ARB2A: variants seen among roughly 807,000 people sequenced by gnomAD.
The protein encoded by ARB2A is ARB2 cotranscriptional regulator A, also known as cotranscriptional regulator ARB2A.
the ARB2A span, among the ~76,000 whole-genome samples, chr5:93,950,819 C>A: frequency 6.6e-6 from 1 of 151,632 alleles, no homozygotes; most frequent in African/African-American, 2.4e-5. Context: ...TGGTGCATGC[C>A]TGTAATCCCA....
the ARB2A span, among the ~76,000 whole-genome samples, chr5:93,977,310 A>T: frequency 8.5e-5 from 13 of 152,230 alleles, no homozygotes; most frequent in East Asian, 3.9e-4. Context: ...CTAAGCAAAA[A>T]AAAATAAAAT....
the ARB2A span, chr5:93,865,699 A>G: frequency 1.0e-6 from 1 of 985,296 alleles, no homozygotes; most frequent in African/African-American, 1.7e-5. Context: ...TAATAATATG[A>G]CATCCAGTAC....
At chr5:93,866,130 T>C in the ARB2A span, 1 of 985,388 alleles carries the variant, frequency 1.0e-6, no homozygotes, top group Non-Finnish European at 1.2e-6. Context: ...AAAAAGAGGA[T>C]AATACAAGCA....
At chr5:93,634,188 G>A in the ARB2A span, among the ~76,000 whole-genome samples, 1 of 152,020 alleles carries the variant, frequency 6.6e-6, no homozygotes, top group Non-Finnish European at 1.5e-5. Flanking sequence ...GGATCACGAG[G>A]TCAAGAGATC....
chr5:93,939,882 C>T, the ARB2A span, among the ~76,000 whole-genome samples: 1 of 152,104 alleles, frequency 6.6e-6, no homozygotes, highest in South Asian at 2.1e-4. Flanking sequence ...TTCTGCATGG[C>T]AGTCCTAACC....
At chr5:93,676,748 C>T in the ARB2A span, among the ~76,000 whole-genome samples, 3 of 152,146 alleles carry the variant, frequency 2.0e-5, no homozygotes, top group East Asian at 5.8e-4. Flanking sequence ...ACAAATATGC[C>T]GTATAAGAAA....
chr5:93,736,816 A>G, the ARB2A span: 1 of 152,218 alleles, frequency 6.6e-6, no homozygotes, highest in Non-Finnish European at 1.5e-5. Context: ...CAACATGTAG[A>G]GTACGTATGA....
At chr5:93,870,386 T>C in the ARB2A span, among the ~76,000 whole-genome samples, 4 of 152,226 alleles carry the variant, frequency 2.6e-5, no homozygotes, top group Non-Finnish European at 4.4e-5. Flanking sequence ...TCACCTAATT[T>C]TGCATTACCT....
the ARB2A span, among the ~76,000 whole-genome samples, chr5:94,081,978 A>G: frequency 6.6e-6 from 1 of 152,146 alleles, no homozygotes; most frequent in Non-Finnish European, 1.5e-5. Context: ...CTCTCTTGTA[A>G]TGTCCTAATC....
the ARB2A span, among the ~76,000 whole-genome samples, chr5:93,939,954 CG>C: frequency 1.3e-5 from 2 of 151,410 alleles, no homozygotes; most frequent in African/African-American, 4.9e-5. Context: ...AAACTGTATC[CG>C]TTTTTTTTTT....
the ARB2A span, among the ~76,000 whole-genome samples, chr5:93,816,278 T>A: frequency 1.3e-5 from 2 of 152,164 alleles, no homozygotes; most frequent in African/African-American, 4.8e-5. Context: ...AGCCCTATTA[T>A]CAACTGAAAT....
At chr5:93,844,253 G>A in the ARB2A span, among the ~76,000 whole-genome samples, 1 of 152,056 alleles carries the variant, frequency 6.6e-6, no homozygotes, top group African/African-American at 2.4e-5. Context: ...AGACCAGCCT[G>A]GCCAACATGG....
At chr5:93,782,056 T>C in the ARB2A span, 1 of 325,516 alleles carries the variant, frequency 3.1e-6, no homozygotes, top group Non-Finnish European at 4.4e-6. Context: ...TAATCTTCTC[T>C]ACAAGAGGTC....
At chr5:93,918,430 C>CTT in the ARB2A span, among the ~76,000 whole-genome samples, 177 of 107,296 alleles carry the variant, frequency 1.6e-3, 1 homozygote, top group African/African-American at 3.2e-3. Flanking sequence ...TTCCAAATTT[C>CTT]TTTTTTTTTT....
chr5:94,053,094 T>C, the ARB2A span: 3 of 1,204,262 alleles, frequency 2.5e-6, no homozygotes, highest in Non-Finnish European at 3.6e-6. Flanking sequence ...GATAGATAGA[T>C]AGATAGATAG....
the ARB2A span, among the ~76,000 whole-genome samples, chr5:93,853,286 G>T: frequency 4.6e-5 from 7 of 151,896 alleles, no homozygotes; most frequent in South Asian, 1.5e-3. Context: ...AAGAATGTTT[G>T]TGATTTTTGT....
chr5:93,943,162 C>A, the ARB2A span, among the ~76,000 whole-genome samples: 1 of 152,026 alleles, frequency 6.6e-6, no homozygotes, highest in Non-Finnish European at 1.5e-5. Flanking sequence ...GATTAGTGTA[C>A]ATGTTAAATT....
chr5:94,060,997 C>G, the ARB2A span, among the ~76,000 whole-genome samples: 133,938 of 152,208 alleles, frequency 0.88, 59,976 homozygotes, highest in East Asian at 1. Context: ...CCAGCACTTT[C>G]GGAGGCCGAG....
the ARB2A span, among the ~76,000 whole-genome samples, chr5:93,987,005 G>A: frequency 2.0e-5 from 3 of 150,992 alleles, no homozygotes; most frequent in African/African-American, 7.3e-5. Context: ...ACCCAAGAAT[G>A]ATCAATAAAT....
Sources: gnomAD v4.1 joint callset for allele counts (sites outside exome capture counted in the v4.1 genomes callset) on GRCh38, gnomAD v4.1.1 for gene constraint, MANE v1.5 for transcripts, NCBI Gene and HGNC (gene_info 2026-07-23, HGNC 2026-07-21) for gene names.